The following DIAPH2 variants were observed in gnomAD, a reference collection of about 807,000 sequenced individuals.
DIAPH2 encodes protein diaphanous homolog 2.
DIAPH2 carries 35 observed loss-of-function variants against 92.7 expected under a neutral mutation model. That is an observed-to-expected ratio of 0.38 (90% CI 0.29 to 0.50). The LOEUF (loss-of-function observed/expected upper bound fraction) is 0.50. Among genes scored for constraint, DIAPH2 ranks in the 20% least tolerant of loss-of-function variants. DIAPH2 has a pLI of 0.94. For missense variants in DIAPH2, 701 were observed against 819.5 expected (o/e 0.86, Z 1.77); for synonymous variants, 301 against 280.4 (o/e 1.07, Z -0.73).
chrX:96,772,077 T>G (rs978561932), intron 4 of DIAPH2, among the ~76,000 whole-genome samples: 3 of 111,201 alleles, frequency 2.7e-5, no homozygotes, highest in Non-Finnish European at 5.7e-5. Context: ...TATAAAATTT[T>G]GGGCCCTTTT....
chrX:96,723,577 A>C (rs2064001425), intron 1 of DIAPH2, among the ~76,000 whole-genome samples: 1 of 112,176 alleles, frequency 8.9e-6, no homozygotes, highest in African/African-American at 3.2e-5. Flanking sequence ...GGTGTATTAT[A>C]GATTTTTATA....
rs751853862 is a variant in DIAPH2, at chrX:97,236,879, G to C, written c.2720-10836G>C. 2.3e-3 allele frequency among the ~76,000 whole-genome samples: 256 copies of C among 111,721 alleles called. 2 individuals are homozygous for C. The highest frequency in any genetic ancestry group is 8.0e-3 in the African/African-American group (248 of 30,811). ...TCATTAAGTGATTGCTCAGATAAAA[G>C]CATTTGTGAATGCTTATTCAAGAAG... On this transcript the variant is annotated intron_variant, in intron 22 of 26. Coordinates refer to ENST00000324765, the MANE Select transcript of DIAPH2 (RefSeq NM_006729.5).
chrX:96,812,557 T>C (rs2064693097), intron 4 of DIAPH2, among the ~76,000 whole-genome samples: 1 of 111,649 alleles, frequency 9.0e-6, no homozygotes, highest in African/African-American at 3.3e-5. Context: ...TCTTGCCCTC[T>C]GCTAGCTTTT....
At chrX:97,574,083 C>G (rs1442613916) in intron 26 of DIAPH2, among the ~76,000 whole-genome samples, 1 of 111,710 alleles carries the variant, frequency 9.0e-6, no homozygotes, top group East Asian at 2.8e-4. Context: ...CTTTGATTCT[C>G]CTGTAAGATA....
intron 23 of DIAPH2, among the ~76,000 whole-genome samples, chrX:97,275,872 G>A (rs1006939227): frequency 8.9e-6 from 1 of 112,369 alleles, no homozygotes; most frequent in African/African-American, 3.2e-5. Flanking sequence ...TTCCCAGACT[G>A]GGTGGCGGCC....
At chrX:96,902,053 A>G (rs771271538) in intron 5 of DIAPH2, among the ~76,000 whole-genome samples, 1 of 112,070 alleles carries the variant, frequency 8.9e-6, no homozygotes, top group Non-Finnish European at 1.9e-5. Context: ...CCCAAAAATC[A>G]TTCAAAACCA....
rs1485489468 is a variant in DIAPH2 at position 97,208,603 on chromosome X, A to G, written c.2720-39112A>G. ...ATCCTATATAAATTTAAGGTAGAAA[A>G]TAGTCTATTTTCTGTGGCAATATAT... is the stretch of plus-strand genomic sequence containing the variant. On this transcript the variant is annotated intron_variant, in intron 22 of 26. Transcript: ENST00000324765. Among the ~76,000 whole-genome samples the G allele has an allele frequency of 2.7e-5, 3 of 111,803 alleles. No homozygotes were observed. The Admixed American group carries it at 2.9e-4, about 11-fold the overall frequency.
At chrX:96,778,982 G>A (rs868377757) in intron 4 of DIAPH2, among the ~76,000 whole-genome samples, 1 of 111,821 alleles carries the variant, frequency 8.9e-6, no homozygotes, top group African/African-American at 3.2e-5. Context: ...ATTAATAAGT[G>A]ATATGTAGGA....
chrX:97,105,282 A>G (rs2066931991), intron 20 of DIAPH2, among the ~76,000 whole-genome samples: 1 of 111,528 alleles, frequency 9.0e-6, no homozygotes, highest in Non-Finnish European at 1.9e-5. Flanking sequence ...AGGTTTGCTT[A>G]TAATCATGTG....
intron 23 of DIAPH2, among the ~76,000 whole-genome samples, chrX:97,258,506 G>A (rs1376182819): frequency 9.1e-6 from 1 of 109,718 alleles, no homozygotes; most frequent in Non-Finnish European, 1.9e-5. Context: ...CCAGGAGGTG[G>A]AGGTTGCAGT....
intron 19 of DIAPH2, among the ~76,000 whole-genome samples, chrX:97,085,602 AGATGGGGTTTCGCCAT>A (rs1890253204): frequency 9.1e-6 from 1 of 110,282 alleles, no homozygotes; most frequent in Admixed American, 9.7e-5. Context: ...TTTTTAGTAG[AGATGGGGTTTCGCCAT>A]GTTAGCCAGG....
At chrX:97,566,733 G>A (rs1369259517) in intron 26 of DIAPH2, among the ~76,000 whole-genome samples, 3 of 111,434 alleles carry the variant, frequency 2.7e-5, no homozygotes, top group East Asian at 5.6e-4. Flanking sequence ...AACAGGTAGC[G>A]ACATATATGT....
At chrX:97,048,742 T>C (rs146119338) in intron 17 of DIAPH2, among the ~76,000 whole-genome samples, 8,858 of 110,867 alleles carry the variant, frequency 0.08, 395 homozygotes, top group African/African-American at 0.16. Flanking sequence ...TCTCATCTAT[T>C]ATTTTTACTT....
chrX:96,695,064 C>T (rs746015259), intron 1 of DIAPH2, among the ~76,000 whole-genome samples: 23 of 109,906 alleles, frequency 2.1e-4, no homozygotes, highest in African/African-American at 7.0e-4. Flanking sequence ...TCTCCTGCCT[C>T]AGCCTCCTGA....
intron 4 of DIAPH2, among the ~76,000 whole-genome samples, chrX:96,794,343 C>T (rs1357427089): frequency 1.8e-5 from 2 of 110,773 alleles, no homozygotes; most frequent in Non-Finnish European, 3.8e-5. Context: ...AGTACAATGC[C>T]TGAAACAAAG....
At chrX:97,228,114 T>C (rs747685270) in intron 22 of DIAPH2, among the ~76,000 whole-genome samples, 6 of 111,430 alleles carry the variant, frequency 5.4e-5, no homozygotes, top group African/African-American at 2.0e-4. Context: ...TTGGCCAGGC[T>C]GGTCTCGAGT....
intron 4 of DIAPH2, among the ~76,000 whole-genome samples, chrX:96,805,418 G>C (rs1310874475): frequency 9.0e-6 from 1 of 110,706 alleles, no homozygotes; most frequent in Non-Finnish European, 1.9e-5. Context: ...GAAGATATCT[G>C]GTATGGTTAT....
chrX:97,089,454 T>A (rs890998884), intron 19 of DIAPH2, among the ~76,000 whole-genome samples: 2 of 111,576 alleles, frequency 1.8e-5, no homozygotes, highest in Non-Finnish European at 3.8e-5. Context: ...CTGCTTAGAG[T>A]GGGACTACAT....
intron 23 of DIAPH2, among the ~76,000 whole-genome samples, chrX:97,289,971 C>G (rs918277796): frequency 1.0e-4 from 11 of 109,425 alleles, no homozygotes; most frequent in African/African-American, 3.6e-4. Context: ...CTTGGCCTCC[C>G]AAAGTGCTGG....
Sources: allele counts gnomAD v4.1 joint callset (sites outside exome capture counted in the v4.1 genomes callset), GRCh38; gene constraint gnomAD v4.1.1; transcripts MANE v1.5; gene names NCBI Gene and HGNC (gene_info 2026-07-23, HGNC 2026-07-21).